STK33: variants seen among roughly 807,000 people sequenced by gnomAD.
The protein encoded by STK33 is serine/threonine kinase 33.
STK33 carries 52 observed loss-of-function variants against 58.0 expected under a neutral mutation model. The ratio of observed to expected loss-of-function variants is 0.90; its 90% CI spans 0.72 to 1.13. The LOEUF (loss-of-function observed/expected upper bound fraction) is 1.13, where lower values mean the gene tolerates loss of function less well. Among genes scored for constraint, STK33 ranks in the 50% most tolerant of loss-of-function variants. The pLI is 0.00. For missense variants in STK33, 630 were observed against 604.2 expected, an observed-to-expected ratio of 1.04 and a Z score of -0.45; for synonymous variants, 215 against 200.1, an observed-to-expected ratio of 1.07 and a Z score of -0.63.
rs539851259 is a variant in STK33, at chr11:8,591,017, G to C, written c.-466+3066C>G. Among the ~76,000 whole-genome samples the C allele has an allele frequency of 2.0e-3, 303 of 152,284 alleles. 1 individual carries two copies. Among genetic ancestry groups the C allele is most frequent in the Admixed American group, 7.9e-3 (121 of 15,300 alleles). Reference sequence around the variant, plus strand: ...ACATAGTATCATCAGATGAATAAAAGTAGAAAATAGCTCCAGAGAACACAT... The same window carrying C: ...ACATAGTATCATCAGATGAATAAAACTAGAAAATAGCTCCAGAGAACACAT... On this transcript the variant is annotated intron_variant, in intron 1 of 15. Coordinates refer to ENST00000687296, the MANE Select transcript of STK33 (RefSeq NM_001352389.2).
chr11:8,486,565 T>C (rs980959414), intron 1 of STK33, among the ~76,000 whole-genome samples: 2 of 152,214 alleles, frequency 1.3e-5, no homozygotes, highest in African/African-American at 4.8e-5. Flanking sequence ...TACTCTGAAT[T>C]GTACTTGGTC....
chr11:8,468,287 A>G (rs1486236275), intron 6 of STK33, among the ~76,000 whole-genome samples: 3 of 152,216 alleles, frequency 2.0e-5, no homozygotes, highest in South Asian at 2.1e-4. Flanking sequence ...CCATGATTCA[A>G]TCATCTCCCA....
intron 1 of STK33, among the ~76,000 whole-genome samples, chr11:8,491,624 C>A (rs549550124): frequency 6.6e-6 from 1 of 152,178 alleles, no homozygotes; most frequent in East Asian, 1.9e-4. Flanking sequence ...AGAAGAGCAA[C>A]CCCAAGACAC....
downstream of STK33, among the ~76,000 whole-genome samples, chr11:8,388,500 C>A (rs1483179048): frequency 2.0e-5 from 3 of 152,244 alleles, no homozygotes; most frequent in Non-Finnish European, 4.4e-5. Context: ...CAGAAAAATG[C>A]AGGATCCTGA....
At chr11:8,586,716 C>T (rs10840082) in intron 1 of STK33, among the ~76,000 whole-genome samples, 8,393 of 149,378 alleles carry the variant, frequency 0.056, 406 homozygotes, top group African/African-American at 0.14. Context: ...CCCAGTAACT[C>T]GGGAGGCTGA....
chr11:8,434,829 A>G (rs1943867922), intron 14 of STK33, among the ~76,000 whole-genome samples: 1 of 152,220 alleles, frequency 6.6e-6, no homozygotes, highest in South Asian at 2.1e-4. Flanking sequence ...CTAGCAAAGA[A>G]CACTGGGGAA....
At chr11:8,371,813 C>CCCTTCCTCCTTCCCTCCCCCCCTT in the STK33 span, among the ~76,000 whole-genome samples, 2 of 145,684 alleles carry the variant, frequency 1.4e-5, no homozygotes, top group Non-Finnish European at 3.0e-5. Flanking sequence ...CTCTCTCCCT[C>CCCTTCCTCCTTCCCTCCCCCCCTT]CCTTCCTCCT....
the STK33 span, among the ~76,000 whole-genome samples, chr11:8,377,315 A>C: frequency 1.3e-5 from 2 of 152,262 alleles, no homozygotes; most frequent in Non-Finnish European, 2.9e-5. Context: ...AAAACTGGCC[A>C]ATTAAAACAC....
rs762790064 is a variant in STK33, at chr11:8,392,674, T to C, written c.1381A>G (p.Lys461Glu). 2 of 1,614,094 alleles carry C rather than the reference T, an allele frequency of 1.2e-6. No individual in the cohort carries two copies. The highest frequency in any genetic ancestry group is 1.1e-5 in the South Asian group (1 of 91,092). Residue 461 changes from lysine (K) to glutamate (E), a missense_variant, in exon 16 of 16, where the codon AAG becomes GAG. By Grantham distance (56) the Lys-to-Glu change is moderately conservative. Transcript: ENST00000687296. ...AYEKQFPATS[K>E]DNFDMCSSSF... ...GAACTGCACATATCAAAGTTGTCCT[T>C]ACTGGTTGCAGGAAATTGCTTTTCA...
intron 14 of STK33, among the ~76,000 whole-genome samples, chr11:8,426,340 A>G (rs1369688469): frequency 6.6e-6 from 1 of 152,166 alleles, no homozygotes; most frequent in Non-Finnish European, 1.5e-5. Context: ...GTGACTCTCA[A>G]TGTCCAGCTG....
At chr11:8,346,826 T>C in the STK33 span, among the ~76,000 whole-genome samples, 1 of 152,174 alleles carries the variant, frequency 6.6e-6, no homozygotes, top group Non-Finnish European at 1.5e-5. Context: ...ACACGAGCTA[T>C]CTGGAGACAG....
At chr11:8,477,435 T>C (rs1949386825) in intron 2 of STK33, among the ~76,000 whole-genome samples, 152 bp from the exon 3 acceptor site, 1 of 152,176 alleles carries the variant, frequency 6.6e-6, no homozygotes, top group Non-Finnish European at 1.5e-5. Context: ...ATGTCAGATG[T>C]GTAAAACATC....
At chr11:8,493,097 C>T (rs1269341103) in intron 1 of STK33, among the ~76,000 whole-genome samples, 1 of 151,998 alleles carries the variant, frequency 6.6e-6, no homozygotes, top group Non-Finnish European at 1.5e-5. Context: ...TAACTAAGAT[C>T]AGAGCAGAAC....
At chr11:8,466,178 C>T (rs1038904040) in intron 6 of STK33, 13 of 152,150 alleles carry the variant, frequency 8.5e-5, no homozygotes, top group African/African-American at 2.9e-4. Flanking sequence ...CTTCCCAAAT[C>T]ACATATGTTC....
chr11:8,355,680 C>G, the STK33 span, among the ~76,000 whole-genome samples: 1 of 152,248 alleles, frequency 6.6e-6, no homozygotes, highest in Non-Finnish European at 1.5e-5. Flanking sequence ...TGCTCTGCCA[C>G]TTACCAACAG....
At chr11:8,565,979 C>T (rs1359092273) in intron 1 of STK33, 1 of 152,180 alleles carries the variant, frequency 6.6e-6, no homozygotes, top group East Asian at 1.9e-4. Flanking sequence ...AATCTGAAGT[C>T]AAGTCAGATT....
At chr11:8,499,472 G>A (rs1304246319) in intron 1 of STK33, among the ~76,000 whole-genome samples, 2 of 152,202 alleles carry the variant, frequency 1.3e-5, no homozygotes, top group African/African-American at 2.4e-5. Flanking sequence ...CACTGTTGGT[G>A]GGACTGTAAA....
At chr11:8,346,784 C>A in the STK33 span, among the ~76,000 whole-genome samples, 3 of 152,312 alleles carry the variant, frequency 2.0e-5, no homozygotes, top group East Asian at 3.9e-4. Context: ...CCTCTTGTAG[C>A]CCCTTCTTCC....
intron 15 of STK33, among the ~76,000 whole-genome samples, chr11:8,393,907 C>T (rs1039187278): frequency 6.6e-6 from 1 of 152,098 alleles, no homozygotes; most frequent in Non-Finnish European, 1.5e-5. Flanking sequence ...AAAGAAAATC[C>T]ACCTGATGTT....
Sources: allele counts gnomAD v4.1 joint callset (sites outside exome capture counted in the v4.1 genomes callset), GRCh38; gene constraint gnomAD v4.1.1; transcripts MANE v1.5; gene names NCBI Gene and HGNC (gene_info 2026-07-23, HGNC 2026-07-21).